FMN2: variants seen among roughly 807,000 people sequenced by gnomAD.
The protein encoded by FMN2 is formin-2.
A neutral mutation model predicts 142.3 loss-of-function variants in FMN2; 51 were observed. That is an observed-to-expected ratio of 0.36 (90% CI 0.29 to 0.45). The LOEUF is 0.45. FMN2 is among the 20% of genes least tolerant of loss of function. The pLI, the probability that FMN2 is intolerant of heterozygous loss-of-function variation, is 1.00. For missense variants in FMN2, 1,936 were observed against 2,122.8 expected, an observed-to-expected ratio of 0.91 and a Z score of 1.73; for synonymous variants, 882 against 869.8, an observed-to-expected ratio of 1.01 and a Z score of -0.25.
At chr1:240,291,246 A>G (rs4659570) in intron 7 of FMN2, among the ~76,000 whole-genome samples, 96,150 of 152,068 alleles carry the variant, frequency 0.63, 32,457 homozygotes, top group African/African-American at 0.88. Context: ...AAAAAGGTCT[A>G]TAGTTCCTCT....
chr1:240,199,619 A>G (rs1372923412), intron 4 of FMN2, among the ~76,000 whole-genome samples: 3 of 152,222 alleles, frequency 2.0e-5, no homozygotes, highest in Non-Finnish European at 4.4e-5. Context: ...CACCACCCAC[A>G]TATAAGATTA....
intron 4 of FMN2, among the ~76,000 whole-genome samples, chr1:240,198,584 G>A (rs983927405): frequency 1.3e-5 from 2 of 152,036 alleles, no homozygotes; most frequent in East Asian, 1.9e-4. Flanking sequence ...CCCATAATAT[G>A]TTCTATTTTA....
chr1:240,254,418 C>T (rs1185387349), intron 6 of FMN2, among the ~76,000 whole-genome samples: 1 of 151,888 alleles, frequency 6.6e-6, no homozygotes, highest in South Asian at 2.1e-4. Flanking sequence ...CATTCCCAAG[C>T]CTCTGGGTGG....
chr1:240,187,527 G>T (rs1378799823), intron 3 of FMN2, among the ~76,000 whole-genome samples: 2 of 152,018 alleles, frequency 1.3e-5, no homozygotes, highest in African/African-American at 2.4e-5. Context: ...TTCCTTGAAG[G>T]CCCTTTCATT....
chr1:240,433,090 C>G (rs571778410), intron 15 of FMN2, among the ~76,000 whole-genome samples: 1 of 152,254 alleles, frequency 6.6e-6, no homozygotes, highest in African/African-American at 2.4e-5. Context: ...GATTTTTCCT[C>G]TTTTTCCTTT....
At chr1:240,394,692 G>T (rs1385475590) in intron 15 of FMN2, among the ~76,000 whole-genome samples, 1 of 152,198 alleles carries the variant, frequency 6.6e-6, no homozygotes, top group African/African-American at 2.4e-5. Context: ...ACAGGGTCGG[G>T]CGTGGTGGCT....
intron 13 of FMN2, among the ~76,000 whole-genome samples, chr1:240,354,355 C>T (rs565072431): frequency 2.0e-5 from 3 of 152,122 alleles, no homozygotes; most frequent in Non-Finnish European, 4.4e-5. Context: ...GAATAAGTCT[C>T]CTGTTTTGGC....
chr1:240,193,997 C>CT (rs1228189635), intron 4 of FMN2, among the ~76,000 whole-genome samples: 1 of 152,122 alleles, frequency 6.6e-6, no homozygotes, highest in African/African-American at 2.4e-5. Context: ...GATTGGCTGG[C>CT]TTGTTCCAAC....
chr1:240,240,783 A>G (rs574840412), intron 6 of FMN2, among the ~76,000 whole-genome samples: 1 of 152,348 alleles, frequency 6.6e-6, no homozygotes, highest in South Asian at 2.1e-4. Flanking sequence ...AGGGAAAAAT[A>G]TAGCTCAGCA....
intron 8 of FMN2, among the ~76,000 whole-genome samples, chr1:240,295,572 C>T (rs1669945316): frequency 6.6e-6 from 1 of 152,054 alleles, no homozygotes; most frequent in African/African-American, 2.4e-5. Context: ...CCAGGTTCAT[C>T]CATGATGTTG....
intron 6 of FMN2, among the ~76,000 whole-genome samples, chr1:240,229,046 C>T (rs1415981873): frequency 2.0e-5 from 3 of 151,792 alleles, no homozygotes; most frequent in East Asian, 3.9e-4. Context: ...CTTTCGGACA[C>T]AGTCACCAGA....
intron 4 of FMN2, among the ~76,000 whole-genome samples, chr1:240,196,088 C>T (rs1236864576): frequency 6.6e-6 from 1 of 152,182 alleles, no homozygotes; most frequent in East Asian, 1.9e-4. Context: ...GGAGTCTCCA[C>T]ATTTTATGGA....
At chr1:240,365,593 T>C (rs1672643042) in intron 14 of FMN2, among the ~76,000 whole-genome samples, 1 of 152,186 alleles carries the variant, frequency 6.6e-6, no homozygotes, top group Admixed American at 6.5e-5. Context: ...CCAATTCTCC[T>C]CATTTTCTAT....
At chr1:240,414,829 G>T (rs1233196392) in intron 15 of FMN2, among the ~76,000 whole-genome samples, 1 of 152,194 alleles carries the variant, frequency 6.6e-6, no homozygotes, top group Admixed American at 6.5e-5. Context: ...TGTGGTGGCA[G>T]AGTTTTATAT....
rs781151128 is a variant in FMN2 at position 240,177,989 on chromosome 1, G to C, written c.1851G>C (p.Gln617His). 9 of 1,613,116 alleles carry C rather than the reference G, an allele frequency of 5.6e-6. No individual in the cohort carries two copies. Among genetic ancestry groups the C allele is most frequent in the Non-Finnish European group, 7.6e-6 (9 of 1,179,702 alleles). The change falls in exon 3 of 18, where the codon CAG becomes CAC. Residue 617 changes from glutamine to histidine, a missense_variant. Physicochemically the swap from Gln to His is conservative, Grantham distance 24. Around this residue, in one of 8 missense-constraint regions of FMN2, gnomAD observed 478 missense variants for 462.8 expected, o/e 1.03. Transcript: ENST00000319653. ...PTHSLDYSEG[Q>H]FPRRVPSMGP... is the part of the protein sequence containing the mutation. ...ACTCATTGGACTATTCAGAAGGGCA[G>C]TTTCCTAGGCGAGTTCCATCCATGG... is the stretch of plus-strand genomic sequence containing the variant.
intron 15 of FMN2, among the ~76,000 whole-genome samples, chr1:240,416,355 G>A (rs944849038): frequency 6.6e-6 from 1 of 150,732 alleles, no homozygotes; most frequent in Admixed American, 6.6e-5. Flanking sequence ...CCACCTCCTG[G>A]GTTCAAGCGA....
intron 13 of FMN2, among the ~76,000 whole-genome samples, chr1:240,352,553 G>A (rs1327110502): frequency 2.6e-5 from 4 of 152,018 alleles, no homozygotes; most frequent in African/African-American, 9.7e-5. Context: ...TGCACTCCAG[G>A]CTGGGCAACA....
chr1:240,423,608 C>A, intron 15 of FMN2, among the ~76,000 whole-genome samples: 1 of 152,098 alleles, frequency 6.6e-6, no homozygotes. Context: ...GCTGTACTCC[C>A]AAAGGACAAT....
chr1:240,281,427 G>A (rs543824840), intron 7 of FMN2, among the ~76,000 whole-genome samples: 2 of 152,152 alleles, frequency 1.3e-5, no homozygotes, highest in African/African-American at 4.8e-5. Flanking sequence ...TGATAACAAG[G>A]TGTAAACTCT....
Sources: gnomAD v4.1 joint callset for allele counts (sites outside exome capture counted in the v4.1 genomes callset) on GRCh38, gnomAD v4.1.1 for gene constraint, gnomAD v4.1.1 regional missense constraint, MANE v1.5 for transcripts, NCBI Gene and HGNC (gene_info 2026-07-23, HGNC 2026-07-21) for gene names.